The following CLTCL1 variants were observed in gnomAD, a reference collection of about 807,000 sequenced individuals.
CLTCL1 encodes the protein clathrin heavy chain like 1.
A neutral mutation model predicts 190.0 loss-of-function variants in CLTCL1; 159 were observed. The observed-to-expected ratio is 0.84, with a 90% CI of 0.74 to 0.95. The LOEUF is 0.95. CLTCL1 is among the 40% of genes least tolerant of loss of function. CLTCL1 has a pLI of 0.00. For missense variants in CLTCL1, 1,878 were observed against 2,033.4 expected (o/e 0.92, Z 1.47); for synonymous variants, 752 against 769.6 (o/e 0.98, Z 0.38).
At chr22:19,187,788 G>A (rs2084362126) in intron 28 of CLTCL1, 60 bp from the exon 29 acceptor site, 9 of 1,554,294 alleles carry the variant, frequency 5.8e-6, no homozygotes, top group Non-Finnish European at 7.1e-6. Context: ...TACACATGGA[G>A]CAGGCACCTT....
In CLTCL1 at chr22:19,208,982, A is replaced by C. The variant is rs1555944784; in HGVS notation, c.3382T>G (p.Tyr1128Asp). ...KDLVKEAINS[Y>D]IRGDDPSSYL... ...GAGGAAGGGTCGTCCCCTCTGATAT[A>C]GGAGTTGATGGCTTCCTTCACCAAA... The change falls in exon 21 of 33, where the codon TAT becomes GAT. Residue 1128 changes from tyrosine (Y) to aspartate (D), a missense_variant. By Grantham distance (160) the Tyr-to-Asp change is radical. Coordinates refer to ENST00000427926, the MANE Select transcript of CLTCL1 (RefSeq NM_007098.4). The C allele has an allele frequency of 1.2e-6, 2 of 1,612,066 alleles. No homozygotes were observed. Among genetic ancestry groups the C allele is most frequent in the Non-Finnish European group, 8.5e-7 (1 of 1,179,188 alleles).
chr22:19,185,834 A>C (rs782285115), intron 29 of CLTCL1, among the ~76,000 whole-genome samples: 20 of 152,228 alleles, frequency 1.3e-4, no homozygotes, highest in Non-Finnish European at 2.1e-4. Flanking sequence ...GTGATCAGCC[A>C]GCCGAGGGCA....
At chr22:19,275,008 C>A (rs1193254510) in intron 2 of CLTCL1, among the ~76,000 whole-genome samples, 2 of 152,160 alleles carry the variant, frequency 1.3e-5, no homozygotes, top group African/African-American at 4.8e-5. Context: ...GGATTACAGG[C>A]ATGAGTCACT....
rs782059803 is a variant in CLTCL1, at chr22:19,234,553, C to G, written c.1123G>C (p.Gly375Arg). ...VRKFNTLFAQ[G>R]SYAEAAKVAA... is the part of the protein sequence containing the mutation. ...ACTTTGGCGGCTTCAGCATAGCTGC[C>G]CTGTGCAAAGAGGGTATTGAATTTT... is the stretch of plus-strand genomic sequence containing the variant. The change falls in exon 7 of 33, where the codon GGC (glycine) becomes CGC (arginine). Residue 375 changes from glycine to arginine, a missense_variant. Coordinates refer to ENST00000427926, the MANE Select transcript of CLTCL1 (RefSeq NM_007098.4). 1.9e-5 allele frequency: 31 copies of G among 1,613,946 alleles called. No homozygotes were observed. The East Asian group carries it at 6.7e-4, about 35-fold the overall frequency.
Position 19,191,294 on chromosome 22 carries a change from G to T in CLTCL1, c.4323+10C>A. 1.2e-6 allele frequency: 2 copies of T among 1,613,956 alleles called. No individual in the cohort carries two copies. Among genetic ancestry groups the T allele is most frequent in the Non-Finnish European group, 1.7e-6 (2 of 1,179,870 alleles). On this transcript the variant is annotated intron_variant, in intron 27 of 32. Transcript: ENST00000427926. The stretch of plus-strand genomic sequence containing the variant: ...ATACACTCTTCTACCTGGGGTTTTG[G>T]TTGACTCACCTTTGAAAAGAAACTG...
In CLTCL1 at chr22:19,225,631, C is replaced by A. The variant is rs782262577; in HGVS notation, c.1950G>T (p.Trp650Cys). Residue 650 changes from tryptophan to cysteine, a missense_variant and splice_region_variant, in exon 13 of 33, where the codon TGG becomes TGT. Coordinates refer to ENST00000427926, the MANE Select transcript of CLTCL1 (RefSeq NM_007098.4). ...ATAAGGAGCCAAAGAAATTGACAAG[C>A]CACTGGGAACAAGGAAGAGTCTGTC... Reference protein sequence around the residue: ...VVHTHLLNPEWLVNFFGSLSV... With the variant: ...VVHTHLLNPECLVNFFGSLSV... 1.4e-5 allele frequency: 22 copies of A among 1,568,056 alleles called. No individual in the cohort carries two copies. Among genetic ancestry groups the A allele is most frequent in the Non-Finnish European group, 1.7e-5 (20 of 1,156,460 alleles).
intron 1 of CLTCL1, among the ~76,000 whole-genome samples, chr22:19,280,674 C>G (rs2087675396): frequency 6.6e-6 from 1 of 151,428 alleles, no homozygotes; most frequent in Admixed American, 6.6e-5. Context: ...CAAAAATTAG[C>G]CAGGCATAGT....
At chr22:19,258,483 AG>A (rs1555973889) in intron 2 of CLTCL1, 1 of 462,700 alleles carries the variant, frequency 2.2e-6, no homozygotes, top group African/African-American at 2.0e-5. Flanking sequence ...CTTGGAGAAC[AG>A]CCTAAGGGAG....
chr22:19,204,084 C>T (rs1278713448), intron 22 of CLTCL1, among the ~76,000 whole-genome samples: 1 of 152,248 alleles, frequency 6.6e-6, no homozygotes, highest in African/African-American at 2.4e-5. Flanking sequence ...CTGCTCCACC[C>T]TTGTCCTTCA....
chr22:19,232,726 G>T (rs1380656585), intron 9 of CLTCL1, 128 bp from the exon 10 acceptor site: 1 of 1,192,264 alleles, frequency 8.4e-7, no homozygotes, highest in African/African-American at 1.5e-5. Context: ...TCATGTGTAG[G>T]TACCACCTTC....
At chr22:19,183,940 C>T (rs2084227049) in intron 29 of CLTCL1, 3 of 406,862 alleles carry the variant, frequency 7.4e-6, no homozygotes, top group Admixed American at 3.7e-5. Context: ...TGTGGGGCTG[C>T]TGCAGAGGTG....
At chr22:19,230,178 T>A (rs1380175237) in intron 10 of CLTCL1, among the ~76,000 whole-genome samples, 1 of 145,980 alleles carries the variant, frequency 6.9e-6, no homozygotes, top group African/African-American at 2.6e-5. Flanking sequence ...CTCACTCCAA[T>A]CTCTGCCCTC....
intron 31 of CLTCL1, among the ~76,000 whole-genome samples, 173 bp downstream of exon 31, chr22:19,180,558 G>C (rs1295749449): frequency 6.6e-6 from 1 of 152,166 alleles, no homozygotes; most frequent in East Asian, 1.9e-4. Context: ...GACAGCGGCC[G>C]TGCCAACATT....
At chr22:19,257,585 G>A (rs1033113052) in intron 2 of CLTCL1, 26 of 381,320 alleles carry the variant, frequency 6.8e-5, no homozygotes, top group South Asian at 5.0e-4. Context: ...CCGTCCAGCC[G>A]CCCAGCTACA....
rs782130764 is a variant in CLTCL1, at chr22:19,220,024, C to T, written c.2797-17G>A. ...ATTGCACACCTGAAATGAGCACACT[C>T]ATGTGTGTGACACAGCAGCCAACCA... On this transcript the variant is annotated splice_polypyrimidine_tract_variant and intron_variant, in intron 17 of 32. Coordinates refer to ENST00000427926, the MANE Select transcript of CLTCL1 (RefSeq NM_007098.4). 5 of 1,613,824 alleles carry T rather than the reference C, an allele frequency of 3.1e-6. No individual in the cohort carries two copies. The highest frequency in any genetic ancestry group is 1.1e-5 in the South Asian group (1 of 91,070).
At position 19,191,293 on chromosome 22, in the gene CLTCL1, G is replaced by A; in HGVS notation, c.4323+11C>T. The A allele has an allele frequency of 1.2e-6, 2 of 1,613,938 alleles. No individual in the cohort carries two copies. Among genetic ancestry groups the A allele is most frequent in the Non-Finnish European group, 1.7e-6 (2 of 1,179,854 alleles). On this transcript the variant is annotated intron_variant, in intron 27 of 32. Coordinates refer to ENST00000427926, the MANE Select transcript of CLTCL1 (RefSeq NM_007098.4). ...AATACACTCTTCTACCTGGGGTTTTGGTTGACTCACCTTTGAAAAGAAACT... is the reference window on the plus strand; with the variant it reads ...AATACACTCTTCTACCTGGGGTTTTAGTTGACTCACCTTTGAAAAGAAACT...
At chr22:19,190,679 A>C (rs1198888031) in intron 27 of CLTCL1, among the ~76,000 whole-genome samples, 1 of 152,078 alleles carries the variant, frequency 6.6e-6, no homozygotes, top group East Asian at 1.9e-4. Flanking sequence ...TATTGTGAGA[A>C]ATCCTAAAAT....
intron 2 of CLTCL1, among the ~76,000 whole-genome samples, chr22:19,265,118 C>T (rs2087078314): frequency 6.6e-6 from 1 of 152,154 alleles, no homozygotes; most frequent in African/African-American, 2.4e-5. Context: ...ATCCAAAACA[C>T]ATGATCAGTA....
intron 2 of CLTCL1, among the ~76,000 whole-genome samples, chr22:19,274,135 C>T (rs2087418257): frequency 6.6e-6 from 1 of 152,056 alleles, no homozygotes; most frequent in Non-Finnish European, 1.5e-5. Context: ...CAAACAAAAC[C>T]GCAAACAACA....
Sources: gnomAD v4.1 joint callset for allele counts (sites outside exome capture counted in the v4.1 genomes callset) on GRCh38, gnomAD v4.1.1 for gene constraint, MANE v1.5 for transcripts, NCBI Gene and HGNC (gene_info 2026-07-23, HGNC 2026-07-21) for gene names.